The following DTX2 variants were observed in gnomAD, a reference collection of about 807,000 sequenced individuals.
DTX2 encodes the protein deltex E3 ubiquitin ligase 2.
Under a neutral mutation model 55.3 loss-of-function variants are expected in DTX2, and 29 were observed. The observed-to-expected ratio is 0.52, with a 90% CI of 0.39 to 0.71. The LOEUF is 0.71. Among genes scored for constraint, DTX2 ranks in the 30% least tolerant of loss-of-function variants. DTX2 has a pLI of 0.00. For missense variants in DTX2, 537 were observed against 822.5 expected (o/e 0.65, Z 4.25); for synonymous variants, 276 against 340.4 (o/e 0.81, Z 2.08).
chr7:76,466,589 T>C (rs1384411989), intron 2 of DTX2, among the ~76,000 whole-genome samples: 1 of 145,568 alleles, frequency 6.9e-6, no homozygotes, highest in Non-Finnish European at 1.5e-5. Context: ...TGTTTCTCTG[T>C]CTCTTTTTTT....
At position 76,477,499 on chromosome 7, in the gene DTX2, T is replaced by C. The variant is rs199998408; in HGVS notation, c.-89-2922T>C. Reference sequence around the variant, plus strand: ...CCTCATGAAAAACACTTAGGATACATGTTGATAACTGCATTTTCCCAAAGA... The same window carrying C: ...CCTCATGAAAAACACTTAGGATACACGTTGATAACTGCATTTTCCCAAAGA... On this transcript the variant is annotated intron_variant, in intron 2 of 10. Transcript: ENST00000430490. 0.012 allele frequency among the ~76,000 whole-genome samples: 1,853 copies of C among 151,088 alleles called. 83 individuals carry two copies. In the East Asian group the frequency reaches 0.13, roughly 11 times the overall value.
chr7:76,491,295 CA>C (rs1256022108), intron 4 of DTX2, among the ~76,000 whole-genome samples: 1 of 134,702 alleles, frequency 7.4e-6, no homozygotes. Context: ...TGCACCCAGC[CA>C]TTTTTTTTTT....
At chr7:76,501,006 C>T (rs1368554112) in intron 7 of DTX2, among the ~76,000 whole-genome samples, 2 of 152,164 alleles carry the variant, frequency 1.3e-5, no homozygotes, top group Non-Finnish European at 2.9e-5. Context: ...GCAGCCCTGT[C>T]CTCCTGACCT....
chr7:76,476,456 C>T (rs1173542234), intron 2 of DTX2, among the ~76,000 whole-genome samples: 1 of 151,958 alleles, frequency 6.6e-6, no homozygotes, highest in Non-Finnish European at 1.5e-5. Flanking sequence ...GGATATTGGG[C>T]ACCTGAAGAG....
At chr7:76,477,169 G>T (rs1808642056) in intron 2 of DTX2, 1 of 133,810 alleles carries the variant, frequency 7.5e-6, no homozygotes, top group East Asian at 2.3e-4. Context: ...CCCGCCCGAG[G>T]GCACTCCAGG....
chr7:76,480,201 A>G (rs917831787), intron 2 of DTX2, among the ~76,000 whole-genome samples: 7 of 145,756 alleles, frequency 4.8e-5, no homozygotes, highest in Admixed American at 4.2e-4. Context: ...GCTGCTCTGG[A>G]GGCTGAGTTG....
chr7:76,464,892 G>C lies in DTX2; in HGVS notation c.-90+1183G>C, dbSNP rs559121206. On this transcript the variant is annotated intron_variant, in intron 2 of 10. Transcript: ENST00000430490. Reference sequence around the variant, plus strand: ...AACATAGAGAACTGAAAAGGAACTTGCTAAGAGGGTGTTTTCTTTCATTCT... The same window carrying C: ...AACATAGAGAACTGAAAAGGAACTTCCTAAGAGGGTGTTTTCTTTCATTCT... 2.0e-5 allele frequency among the ~76,000 whole-genome samples: 3 copies of C among 151,152 alleles called. No individual in the cohort carries two copies. The East Asian group carries it at 5.8e-4, about 29-fold the overall frequency.
rs759736162 is a variant in DTX2, at chr7:76,502,377, T to A, written c.1310T>A (p.Leu437Gln). Residue 437 changes from leucine (L) to glutamine (Q), a missense_variant, in exon 8 of 11, where the codon CTA becomes CAA. Coordinates refer to ENST00000430490, the MANE Select transcript of DTX2 (RefSeq NM_001102594.3). ...DVTDSKAIGS[L>Q]AVGHLTKCSH... is the part of the protein sequence containing the mutation. ...ACTGACAGCAAGGCAATCGGGTCCC[T>A]AGCTGTGGGCCACCTCACCAAGTGC... The A allele has an allele frequency of 3.2e-5, 52 of 1,612,538 alleles. No individual in the cohort carries two copies. The highest frequency in any genetic ancestry group is 4.2e-5 in the Non-Finnish European group (50 of 1,179,926).
At chr7:76,468,891 T>C (rs1462662987) in intron 2 of DTX2, among the ~76,000 whole-genome samples, 2 of 135,076 alleles carry the variant, frequency 1.5e-5, no homozygotes, top group South Asian at 2.6e-4. Context: ...GCCTCCCAAG[T>C]AGCTGGGACT....
chr7:76,476,349 A>G (rs1808538974), intron 2 of DTX2, among the ~76,000 whole-genome samples: 1 of 132,260 alleles, frequency 7.6e-6, no homozygotes, highest in South Asian at 2.8e-4. Context: ...TGCTGGGTTC[A>G]AGGGGAACGC....
chr7:76,476,594 G>A (rs1261283916), intron 2 of DTX2, among the ~76,000 whole-genome samples: 1 of 149,730 alleles, frequency 6.7e-6, no homozygotes, highest in African/African-American at 2.5e-5. Flanking sequence ...GGAGCCAGCC[G>A]TCTCTGGCAA....
At chr7:76,490,908 CTT>C (rs1261082639) in intron 4 of DTX2, among the ~76,000 whole-genome samples, 1 of 133,860 alleles carries the variant, frequency 7.5e-6, no homozygotes. Flanking sequence ...ACTGACCTGT[CTT>C]TTACTGGTGA....
chr7:76,488,920 A>G, intron 4 of DTX2, among the ~76,000 whole-genome samples: 1 of 102,032 alleles, frequency 9.8e-6, no homozygotes, highest in Non-Finnish European at 1.9e-5. Context: ...TGGGGGGAAG[A>G]GTTGAAACCA....
rs764329477 is a variant in DTX2 at position 76,482,543 on chromosome 7, C to G, written c.304C>G (p.Gln102Glu). The G allele has an allele frequency of 6.2e-7, 1 of 1,610,766 alleles. No individual in the cohort carries two copies. Among genetic ancestry groups the G allele is most frequent in the Non-Finnish European group, 8.5e-7 (1 of 1,177,592 alleles). The change falls in exon 4 of 11, where the codon CAG (glutamine) becomes GAG (glutamate). Residue 102 changes from glutamine to glutamate, a missense_variant. Gln to Glu is a conservative substitution (Grantham distance 29, BLOSUM62 2). Around this residue, in one of 7 missense-constraint regions of DTX2, gnomAD observed 301 missense variants for 396.6 expected, o/e 0.76. Coordinates refer to ENST00000430490, the MANE Select transcript of DTX2 (RefSeq NM_001102594.3). ...MRAVRRHLFP[Q>E]HSAPGRGVVW... ...GGCTGTGCGGAGACACCTGTTCCCC[C>G]AGCACTCAGCCCCTGGCCGAGGTGT...
chr7:76,476,430 T>C (rs1466152965), intron 2 of DTX2, among the ~76,000 whole-genome samples: 1 of 151,510 alleles, frequency 6.6e-6, no homozygotes, highest in East Asian at 1.9e-4. Flanking sequence ...CCTCCTTTGG[T>C]GTTTCAGAGC....
intron 2 of DTX2, among the ~76,000 whole-genome samples, chr7:76,468,689 C>T (rs1438041934): frequency 2.6e-4 from 18 of 69,926 alleles, no homozygotes; most frequent in Non-Finnish European, 4.7e-4. Flanking sequence ...AACTCCTGAC[C>T]TCAGGTGATC....
chr7:76,502,715 T>C, intron 8 of DTX2: 7 of 521,596 alleles, frequency 1.3e-5, no homozygotes, highest in Non-Finnish European at 2.1e-5. Context: ...CAGCCAGGCC[T>C]GAGAAGATTC....
chr7:76,469,360 ATTTTTTT>A (rs67541833), intron 2 of DTX2, among the ~76,000 whole-genome samples: 3 of 81,302 alleles, frequency 3.7e-5, no homozygotes, highest in African/African-American at 8.4e-5. Context: ...TGAAATCTAG[ATTTTTTT>A]TTTTTTTTTT....
intron 1 of DTX2, among the ~76,000 whole-genome samples, chr7:76,463,294 T>TA (rs1806802274): frequency 6.7e-6 from 1 of 150,068 alleles, no homozygotes; most frequent in East Asian, 2.0e-4. Context: ...CTAATAATAA[T>TA]AAAAAATTTT....
Sources: gnomAD v4.1 joint callset for allele counts (sites outside exome capture counted in the v4.1 genomes callset) on GRCh38, gnomAD v4.1.1 for gene constraint, gnomAD v4.1.1 regional missense constraint, MANE v1.5 for transcripts, NCBI Gene and HGNC (gene_info 2026-07-23, HGNC 2026-07-21) for gene names.